PPP6R3: variants seen among roughly 807,000 people sequenced by gnomAD.
PPP6R3 encodes the protein serine/threonine-protein phosphatase 6 regulatory subunit 3.
A neutral mutation model predicts 110.7 loss-of-function variants in PPP6R3; 38 were observed. The ratio of observed to expected loss-of-function variants is 0.34; its 90% CI spans 0.26 to 0.45. PPP6R3 has a LOEUF of 0.45. Ranked by LOEUF, PPP6R3 falls within the 20% of genes least tolerant of loss-of-function variation. The pLI, the probability that PPP6R3 is intolerant of heterozygous loss-of-function variation, is 1.00. For synonymous variants in PPP6R3, 369 were observed against 373.5 expected (o/e 0.99, Z 0.14); for missense variants, 870 against 1,062.4 (o/e 0.82, Z 2.52).
At position 68,587,988 on chromosome 11, in the gene PPP6R3, A is replaced by G. The variant is rs753061531; in HGVS notation, c.1694A>G (p.Asn565Ser). ...TSNFIDQFGF[N>S]DEKFADQDDI... is the part of the protein sequence containing the mutation. ...AATTTTATTGACCAGTTTGGCTTCA[A>G]CGATGAGAAGTTTGCAGATCAAGAT... Residue 565 changes from asparagine to serine, a missense_variant, in exon 16 of 24, where the codon AAC (asparagine) becomes AGC (serine). Asn to Ser is a conservative substitution (Grantham distance 46). Transcript: ENST00000393800. The G allele has an allele frequency of 1.2e-6, 2 of 1,614,262 alleles. No individual in the cohort carries two copies.
At position 68,614,676 on chromosome 11, in the gene PPP6R3, A is replaced by C; in HGVS notation, c.*1559A>C. 2.6e-6 allele frequency: 4 copies of C among 1,520,804 alleles called. No homozygotes were observed. Among genetic ancestry groups the C allele is most frequent in the Non-Finnish European group, 3.5e-6 (4 of 1,138,914 alleles). The allele number at this position is 1,520,804 out of a possible 1,614,324, so 94.2% of individuals were successfully genotyped here. On this transcript the variant is annotated 3_prime_UTR_variant, in exon 24 of 24. Coordinates refer to ENST00000393800, the MANE Select transcript of PPP6R3 (RefSeq NM_001164161.2). ...CTCCCAGGACAGTGGAGTCAGCAGT[A>C]AGCCCTGGGACAGGTGGCAAGGGTG...
At chr11:68,604,497 C>G (rs1410587205) in intron 22 of PPP6R3, among the ~76,000 whole-genome samples, 1 of 152,160 alleles carries the variant, frequency 6.6e-6, no homozygotes, top group African/African-American at 2.4e-5. Flanking sequence ...AGACAAGAAC[C>G]AGAAAGTGGG....
At chr11:68,525,313 TTATATAA>T (rs533409501) in intron 2 of PPP6R3, among the ~76,000 whole-genome samples, 57 of 152,212 alleles carry the variant, frequency 3.7e-4, no homozygotes, top group Non-Finnish European at 7.3e-4. Flanking sequence ...GTTTCCACCT[TTATATAA>T]AGTTGCAGTG....
intron 1 of PPP6R3, among the ~76,000 whole-genome samples, chr11:68,480,894 C>T (rs2098904352): frequency 6.6e-6 from 1 of 152,126 alleles, no homozygotes; most frequent in Non-Finnish European, 1.5e-5. Context: ...AACTCTTTTA[C>T]ATTAGGTAGC....
chr11:68,560,689 A>T (rs1471333330), intron 8 of PPP6R3, among the ~76,000 whole-genome samples: 1 of 152,350 alleles, frequency 6.6e-6, no homozygotes, highest in Non-Finnish European at 1.5e-5. Context: ...TGTAGCCAGC[A>T]TCACTTTGAA....
intron 10 of PPP6R3, 30 bp from the exon 11 acceptor site, chr11:68,569,718 C>G (rs372072138): frequency 6.7e-5 from 102 of 1,522,914 alleles, no homozygotes; most frequent in Non-Finnish European, 8.0e-5. Flanking sequence ...TTGAGGTAAC[C>G]GAATAAAACA....
intron 16 of PPP6R3, 136 bp from the exon 17 acceptor site, chr11:68,590,524 T>G: frequency 1.0e-6 from 1 of 965,278 alleles, no homozygotes; most frequent in East Asian, 2.7e-5. Context: ...ATAAGAAGGT[T>G]GTTTCTGTTT....
intron 22 of PPP6R3, among the ~76,000 whole-genome samples, chr11:68,609,168 T>C (rs905877208): frequency 6.6e-6 from 1 of 152,212 alleles, no homozygotes; most frequent in Non-Finnish European, 1.5e-5. Flanking sequence ...AGAGTGTCTC[T>C]TGTGTCTTTC....
rs777906905 is a variant in PPP6R3, at chr11:68,591,583, T to C, written c.1793T>C (p.Ile598Thr). 1.9e-6 allele frequency: 3 copies of C among 1,593,764 alleles called. No homozygotes were observed. Among genetic ancestry groups the C allele is most frequent in the Non-Finnish European group, 2.6e-6 (3 of 1,172,918 alleles). The change falls in exon 18 of 24, where the codon ATT becomes ACT. Residue 598 changes from isoleucine to threonine, a missense_variant. Transcript: ENST00000393800. Reference sequence around the variant, plus strand: ...CCTCTCATTTTTATTTAGGGAAATATTGCCTTGTTTGAAGCATGTTGTAAG... The same window carrying C: ...CCTCTCATTTTTATTTAGGGAAATACTGCCTTGTTTGAAGCATGTTGTAAG... ...FTLNTNESGN[I>T]ALFEACCKER... is the part of the protein sequence containing the mutation.
chr11:68,529,215 G>T (rs2099221379), intron 2 of PPP6R3, among the ~76,000 whole-genome samples: 2 of 151,228 alleles, frequency 1.3e-5, no homozygotes. Context: ...CCTGTTTTTG[G>T]GTGTGTGTGT....
intron 1 of PPP6R3, among the ~76,000 whole-genome samples, chr11:68,478,777 C>T (rs2098867282): frequency 6.7e-6 from 1 of 150,060 alleles, no homozygotes; most frequent in African/African-American, 2.4e-5. Flanking sequence ...CCTGCCTCAG[C>T]CTCCTGAGTA....
chr11:68,591,509 A>G (rs1305955104), intron 17 of PPP6R3, 67 bp from the exon 18 acceptor site: 2 of 1,421,588 alleles, frequency 1.4e-6, no homozygotes, highest in African/African-American at 1.4e-5. Flanking sequence ...TACATTGGTA[A>G]TGCTTAAGAG....
At chr11:68,525,598 A>G (rs985592273) in intron 2 of PPP6R3, among the ~76,000 whole-genome samples, 1 of 152,228 alleles carries the variant, frequency 6.6e-6, no homozygotes, top group African/African-American at 2.4e-5. Flanking sequence ...CAGTCTGATC[A>G]AAGTTTGCTA....
chr11:68,564,795 G>GT (rs1275402148), intron 9 of PPP6R3, among the ~76,000 whole-genome samples: 29 of 152,202 alleles, frequency 1.9e-4, no homozygotes, highest in African/African-American at 6.3e-4. Context: ...TTGGAGCAGT[G>GT]TATGTCTGAT....
intron 12 of PPP6R3, 113 bp from the exon 13 acceptor site, chr11:68,573,996 C>T (rs1593389037): frequency 1.4e-6 from 1 of 697,596 alleles, no homozygotes; most frequent in Non-Finnish European, 2.5e-6. Flanking sequence ...TCGTCATTTT[C>T]TTCAGTGCCT....
intron 1 of PPP6R3, among the ~76,000 whole-genome samples, chr11:68,484,100 A>AATTT (rs796619439): frequency 5.5e-4 from 83 of 152,278 alleles, no homozygotes; most frequent in African/African-American, 2.0e-3. Context: ...GATGTGCCCA[A>AATTT]ATTTATTCAT....
At chr11:68,492,238 C>T (rs1189515008) in intron 1 of PPP6R3, among the ~76,000 whole-genome samples, 1 of 152,120 alleles carries the variant, frequency 6.6e-6, no homozygotes, top group Admixed American at 6.5e-5. Context: ...CTCACTGCAA[C>T]CTCATACTCC....
At position 68,485,765 on chromosome 11, in the gene PPP6R3, G is replaced by A. The variant is rs149037399; in HGVS notation, c.-158+24938G>A. Among the ~76,000 whole-genome samples the A allele has an allele frequency of 4.0e-3, 604 of 152,154 alleles. 4 individuals are homozygous for A. Among genetic ancestry groups the A allele is most frequent in the African/African-American group, 0.013 (557 of 41,516 alleles). On this transcript the variant is annotated intron_variant, in intron 1 of 23. Coordinates refer to ENST00000393800, the MANE Select transcript of PPP6R3 (RefSeq NM_001164161.2). ...GCTGGAGTGCAGTGGGATGATCTTG[G>A]CTCACTGCAGCCTTGGCCTCCTGGG...
chr11:68,612,128 T>TAAG (rs1215257687), intron 23 of PPP6R3, among the ~76,000 whole-genome samples: 1 of 152,232 alleles, frequency 6.6e-6, no homozygotes, highest in East Asian at 1.9e-4. Flanking sequence ...AATCTACTTA[T>TAAG]AAGATCACTC....
Sources: gnomAD v4.1 joint callset for allele counts (sites outside exome capture counted in the v4.1 genomes callset) on GRCh38, gnomAD v4.1.1 for gene constraint, MANE v1.5 for transcripts, NCBI Gene and HGNC (gene_info 2026-07-23, HGNC 2026-07-21) for gene names.